The following AKAP19 variants were observed in gnomAD, a reference collection of about 807,000 sequenced individuals.
The protein encoded by AKAP19 is A-kinase anchoring protein 19.
At chr2:190,061,118 T>G in the AKAP19 span, among the ~76,000 whole-genome samples, 3 of 152,056 alleles carry the variant, frequency 2.0e-5, no homozygotes, top group Admixed American at 2.0e-4. Context: ...TTTCCAAAAT[T>G]GTCTATAAAA....
the AKAP19 span, among the ~76,000 whole-genome samples, chr2:189,945,670 A>C: frequency 6.6e-6 from 1 of 152,234 alleles, no homozygotes. Context: ...AAAATATGTG[A>C]AATTACATTG....
At chr2:189,968,045 G>A in the AKAP19 span, among the ~76,000 whole-genome samples, 32 of 152,068 alleles carry the variant, frequency 2.1e-4, no homozygotes, top group Admixed American at 1.4e-3. Context: ...CACAGTTACC[G>A]CCAGAAGAAT....
At chr2:189,946,127 C>T in the AKAP19 span, among the ~76,000 whole-genome samples, 1 of 152,156 alleles carries the variant, frequency 6.6e-6, no homozygotes, top group Admixed American at 6.5e-5. Context: ...TTATAAATTT[C>T]TTCCTTTATA....
At chr2:190,130,410 G>A in the AKAP19 span, among the ~76,000 whole-genome samples, 1 of 152,184 alleles carries the variant, frequency 6.6e-6, no homozygotes, top group Admixed American at 6.5e-5. Flanking sequence ...CATTCATCAG[G>A]CCAGCCATAT....
chr2:190,039,004 TTCTTCCTCTTCC>T, the AKAP19 span, among the ~76,000 whole-genome samples: 2 of 117,828 alleles, frequency 1.7e-5, no homozygotes, highest in Admixed American at 8.1e-5. Flanking sequence ...TCTTCTCTTC[TTCTTCCTCTTCC>T]TCTTCCTCTT....
At chr2:189,999,450 GA>G in the AKAP19 span, among the ~76,000 whole-genome samples, 4 of 151,412 alleles carry the variant, frequency 2.6e-5, no homozygotes, top group Admixed American at 1.3e-4. Context: ...AACTTTCTGT[GA>G]AAAAAAAGAT....
chr2:189,976,349 A>G, the AKAP19 span, among the ~76,000 whole-genome samples: 1 of 152,198 alleles, frequency 6.6e-6, no homozygotes, highest in South Asian at 2.1e-4. Flanking sequence ...GCTTCGTCTC[A>G]GGGGGGTACC....
chr2:190,180,866 T>C, the AKAP19 span: 7 of 985,104 alleles, frequency 7.1e-6, no homozygotes, highest in Non-Finnish European at 8.4e-6. The surrounding 1 kb of genome is among the most constrained non-coding windows in gnomAD (Gnocchi z 6.8). Flanking sequence ...GTCCTCCACA[T>C]GCTGCCACTT....
At chr2:190,067,906 A>G in the AKAP19 span, among the ~76,000 whole-genome samples, 1 of 152,154 alleles carries the variant, frequency 6.6e-6, no homozygotes, top group Non-Finnish European at 1.5e-5. Context: ...TTCTATTGAA[A>G]AAAAGATACT....
At chr2:190,080,481 C>A in the AKAP19 span, among the ~76,000 whole-genome samples, 1 of 152,186 alleles carries the variant, frequency 6.6e-6, no homozygotes, top group East Asian at 1.9e-4. Flanking sequence ...TGAGCTGGAT[C>A]TTGAAGGATG....
chr2:190,126,317 A>AAAAAAAAAAAAAT, the AKAP19 span, among the ~76,000 whole-genome samples: 1 of 142,158 alleles, frequency 7.0e-6, no homozygotes, highest in Non-Finnish European at 1.5e-5. Flanking sequence ...AAAAAAAAAA[A>AAAAAAAAAAAAAT]AAAAAAAGGT....
chr2:189,905,078 A>T, the AKAP19 span, among the ~76,000 whole-genome samples: 245 of 152,104 alleles, frequency 1.6e-3, no homozygotes, highest in African/African-American at 5.8e-3. Context: ...TTTACAAATA[A>T]ATGTATTACT....
chr2:190,034,568 G>A, the AKAP19 span, among the ~76,000 whole-genome samples: 1 of 137,592 alleles, frequency 7.3e-6, no homozygotes, highest in Non-Finnish European at 1.6e-5. Context: ...AAATTGGCCA[G>A]GCACAGTGAC....
At chr2:190,136,495 G>A in the AKAP19 span, among the ~76,000 whole-genome samples, 5 of 152,290 alleles carry the variant, frequency 3.3e-5, no homozygotes, top group South Asian at 2.1e-4. Flanking sequence ...AGTCATGCAC[G>A]CAGATGATCA....
chr2:190,151,854 TA>T, the AKAP19 span, among the ~76,000 whole-genome samples: 15,460 of 151,442 alleles, frequency 0.1, 841 homozygotes, highest in Admixed American at 0.14. Context: ...ATATAAAAAA[TA>T]AGCTAGGCAT....
chr2:190,021,998 C>A, the AKAP19 span, among the ~76,000 whole-genome samples: 2 of 152,116 alleles, frequency 1.3e-5, no homozygotes, highest in Non-Finnish European at 2.9e-5. Context: ...AATGGCATCA[C>A]GTGGTTAGGG....
chr2:189,960,465 G>A, the AKAP19 span, among the ~76,000 whole-genome samples: 1 of 152,102 alleles, frequency 6.6e-6, no homozygotes, highest in Non-Finnish European at 1.5e-5. Flanking sequence ...AGCTAATAGA[G>A]CTCCCTTGCC....
At chr2:190,095,798 A>G in the AKAP19 span, among the ~76,000 whole-genome samples, 23 of 152,204 alleles carry the variant, frequency 1.5e-4, no homozygotes, top group Middle Eastern at 3.2e-3. Context: ...ATTTATCACA[A>G]TAATTTGACT....
the AKAP19 span, among the ~76,000 whole-genome samples, chr2:189,985,987 A>G: frequency 6.6e-6 from 1 of 152,222 alleles, no homozygotes; most frequent in Non-Finnish European, 1.5e-5. Context: ...TATATGTACA[A>G]CTTTTATGAA....
Sources: gnomAD v4.1 joint callset for allele counts (sites outside exome capture counted in the v4.1 genomes callset) on GRCh38, gnomAD v4.1.1 for gene constraint, Gnocchi (gnomAD v3.1) non-coding constraint, MANE v1.5 for transcripts, NCBI Gene and HGNC (gene_info 2026-07-23, HGNC 2026-07-21) for gene names.